The following TMTC4 variants were observed in gnomAD, a reference collection of about 807,000 sequenced individuals.
The protein encoded by TMTC4 is transmembrane O-mannosyltransferase targeting cadherins 4.
TMTC4 carries 65 observed loss-of-function variants against 86.0 expected under a neutral mutation model. The ratio of observed to expected loss-of-function variants is 0.76; its 90% CI spans 0.62 to 0.93. The LOEUF (loss-of-function observed/expected upper bound fraction) is 0.93, where lower values mean the gene tolerates loss of function less well. TMTC4 is among the 40% of genes least tolerant of loss of function. The pLI is 0.00. For missense variants in TMTC4, 866 were observed against 948.1 expected (o/e 0.91, Z 1.14); for synonymous variants, 379 against 382.5 (o/e 0.99, Z 0.11).
intron 6 of TMTC4, among the ~76,000 whole-genome samples, chr13:100,654,278 C>G (rs929897223): frequency 6.6e-6 from 1 of 152,180 alleles, no homozygotes; most frequent in Non-Finnish European, 1.5e-5. Context: ...AAAACATCTA[C>G]AAATTTAACA....
rs1230632997 is a variant in TMTC4, at chr13:100,605,108, C to T, written c.2169G>A (p.Leu723=). ...VLYHRWGHLD[L]AKKHYEISLQ... The stretch of plus-strand genomic sequence containing the variant: ...AGGAGATTTCATAGTGTTTCTTGGC[C>T]AAGTCTAGATGTCCCCAACGATGAT... Residue 723 remains leucine (L), a synonymous_variant, in exon 19 of 19, where the codon TTG becomes TTA. Transcript: ENST00000342624. The surrounding 1 kb of genome is among the most constrained non-coding windows in gnomAD (Gnocchi z 4.3). The T allele has an allele frequency of 8.1e-6, 13 of 1,613,194 alleles. 1 individual carries two copies. In the South Asian group the frequency reaches 1.4e-4, roughly 18 times the overall value.
At chr13:100,656,803 C>G (rs1885175844) in intron 5 of TMTC4, among the ~76,000 whole-genome samples, 1 of 152,136 alleles carries the variant, frequency 6.6e-6, no homozygotes, top group Admixed American at 6.5e-5. Context: ...CTCTGCTTCT[C>G]AAAGTGGTGG....
rs1431273685 is a variant in TMTC4, at chr13:100,664,352, G to A, written c.220-16C>T. The A allele has an allele frequency of 1.9e-6, 3 of 1,587,496 alleles. No homozygotes were observed. The highest frequency in any genetic ancestry group is 2.6e-6 in the Non-Finnish European group (3 of 1,166,000). Reference sequence around the variant, plus strand: ...CTTGGAGGTCCTGCAGGGTCACAAAGGGGATGTTCTGGACAAGGGTCTCCC... The same window carrying A: ...CTTGGAGGTCCTGCAGGGTCACAAAAGGGATGTTCTGGACAAGGGTCTCCC... On this transcript the variant is annotated splice_polypyrimidine_tract_variant and intron_variant, in intron 3 of 18. Coordinates refer to ENST00000342624, the MANE Select transcript of TMTC4 (RefSeq NM_032813.5).
chr13:100,674,181 C>CG (rs1566658209), intron 1 of TMTC4: 12 of 971,390 alleles, frequency 1.2e-5, no homozygotes, highest in Non-Finnish European at 1.3e-5. Flanking sequence ...GGCGCCCGGG[C>CG]CGGTGGCCCC....
rs112558614 is a variant in TMTC4, at chr13:100,657,095, C to T, written c.553-627G>A. ...CATAAAAACTGTGTTCTTTAACACA[C>T]GATACCCAAGAGCTCCAAAGACTTA... On this transcript the variant is annotated intron_variant, in intron 5 of 18. Coordinates refer to ENST00000342624, the MANE Select transcript of TMTC4 (RefSeq NM_032813.5). Among the ~76,000 whole-genome samples the T allele has an allele frequency of 3.9e-5, 6 of 152,184 alleles. No individual in the cohort carries two copies. The South Asian group carries it at 6.2e-4, about 16-fold the overall frequency.
chr13:100,625,458 GT>G, intron 15 of TMTC4, 76 bp downstream of exon 15: 1 of 1,569,410 alleles, frequency 6.4e-7, no homozygotes, highest in Non-Finnish European at 8.7e-7. Flanking sequence ...CTAGGTGGGT[GT>G]CACTATGTCA....
At chr13:100,615,532 A>G (rs2138732320) in intron 15 of TMTC4, among the ~76,000 whole-genome samples, 1 of 152,140 alleles carries the variant, frequency 6.6e-6, no homozygotes, top group Admixed American at 6.5e-5. Context: ...TGCTCACTGC[A>G]ACGTCTGCCT....
At position 100,674,691 on chromosome 13, in the gene TMTC4, C is replaced by T. The variant is rs547430014; in HGVS notation, c.-208+53G>A. ...GAACCCGCGCCCGCTCCGCGTCCAACTCCGCTCGCCCCGCGGCGCGCTCGG... is the reference window on the plus strand; with the variant it reads ...GAACCCGCGCCCGCTCCGCGTCCAATTCCGCTCGCCCCGCGGCGCGCTCGG... On this transcript the variant is annotated intron_variant, in intron 1 of 18. Coordinates refer to ENST00000342624, the MANE Select transcript of TMTC4 (RefSeq NM_032813.5). The T allele has an allele frequency of 1.2e-4, 118 of 983,300 alleles. 1 individual carries two copies. The South Asian group carries it at 5.0e-3, about 42-fold the overall frequency. 60.9% of individuals were successfully genotyped at this position (983,300 alleles called of 1,614,324 possible). A position where few individuals can be genotyped will look rare whatever the true frequency, so the allele number is the denominator to read the frequency against.
intron 6 of TMTC4, among the ~76,000 whole-genome samples, chr13:100,654,018 C>T (rs935651969): frequency 9.2e-5 from 14 of 152,224 alleles, no homozygotes; most frequent in Non-Finnish European, 4.4e-5. Context: ...TTTAAATGAA[C>T]GCTTTCCTTT....
Position 100,615,129 on chromosome 13 carries a change from TTTATTA to T in TMTC4, c.1837-705_1837-700del, listed in dbSNP as rs555839141. The stretch of plus-strand genomic sequence containing the variant: ...TTTCTTATTTTTTATAATTTAAACT[TTTATTA>T]TTATTATTATTTTTATTTTTGAGAT... On this transcript the variant is annotated intron_variant, in intron 15 of 18. Transcript: ENST00000342624. Among the ~76,000 whole-genome samples, 40 of 152,048 alleles carry T rather than the reference TTTATTA, an allele frequency of 2.6e-4. No homozygotes were observed. The Middle Eastern group carries it at 0.01, about 39-fold the overall frequency.
chr13:100,638,180 G>A (rs1216043965), intron 7 of TMTC4, 158 bp from the exon 8 acceptor site: 4 of 553,268 alleles, frequency 7.2e-6, no homozygotes, highest in Non-Finnish European at 1.3e-5. Flanking sequence ...CATAACAGCC[G>A]TACGTTTCTA....
At chr13:100,646,137 C>T (rs866528845) in intron 6 of TMTC4, among the ~76,000 whole-genome samples, 3 of 152,094 alleles carry the variant, frequency 2.0e-5, no homozygotes, top group Middle Eastern at 3.2e-3. Flanking sequence ...AACCAGTAAT[C>T]GGCCTTTAAC....
chr13:100,663,555 A>AT (rs1326897381), intron 4 of TMTC4, among the ~76,000 whole-genome samples: 1 of 152,190 alleles, frequency 6.6e-6, no homozygotes, highest in African/African-American at 2.4e-5. Flanking sequence ...AGGGACCTGG[A>AT]TTTAAGACAG....
rs140477961 is a variant in TMTC4, at chr13:100,673,954, T to C, written c.-208+790A>G. 6.4e-4 allele frequency: 560 copies of C among 869,300 alleles called. 9 individuals are homozygous for C. The East Asian group carries it at 0.021, about 32-fold the overall frequency. 53.8% of individuals were successfully genotyped at this position (869,300 alleles called of 1,614,324 possible). Reference sequence around the variant, plus strand: ...TTGCTCTCCCGGGGAAAGAGCGAAGTGTGGGATGACTCATAGTGGCTAGAT... The same window carrying C: ...TTGCTCTCCCGGGGAAAGAGCGAAGCGTGGGATGACTCATAGTGGCTAGAT... On this transcript the variant is annotated intron_variant, in intron 1 of 18. Transcript: ENST00000342624.
intron 15 of TMTC4, among the ~76,000 whole-genome samples, chr13:100,622,609 T>A (rs12866531): frequency 0.59 from 89,761 of 152,046 alleles, 31,856 homozygotes; most frequent in Non-Finnish European, 0.78. Context: ...ATGTAAGATG[T>A]GCCTTTCACC....
At chr13:100,664,562 G>A (rs1161212935) in intron 3 of TMTC4, among the ~76,000 whole-genome samples, 1 of 152,162 alleles carries the variant, frequency 6.6e-6, no homozygotes, top group Non-Finnish European at 1.5e-5. Context: ...TGAAGGGGCT[G>A]TTGCAGACCC....
intron 9 of TMTC4, 113 bp downstream of exon 9, chr13:100,637,425 G>A: frequency 2.9e-6 from 4 of 1,356,918 alleles, no homozygotes; most frequent in Non-Finnish European, 4.0e-6. Flanking sequence ...GGTGGCGCGT[G>A]TATTGGGGAT....
chr13:100,641,045 C>T (rs1417612116), intron 7 of TMTC4, among the ~76,000 whole-genome samples: 1 of 151,832 alleles, frequency 6.6e-6, no homozygotes, highest in East Asian at 1.9e-4. Flanking sequence ...AGAGAGCCCT[C>T]CCCCACCCCC....
chr13:100,637,856 T>C (rs778146785), intron 8 of TMTC4, 74 bp downstream of exon 8: 5 of 1,542,808 alleles, frequency 3.2e-6, no homozygotes, highest in Middle Eastern at 3.5e-4. Context: ...AAGGAATATT[T>C]GAGAATGGCA....
Sources: allele counts gnomAD v4.1 joint callset (sites outside exome capture counted in the v4.1 genomes callset), GRCh38; gene constraint gnomAD v4.1.1; non-coding constraint Gnocchi (gnomAD v3.1); transcripts MANE v1.5; gene names NCBI Gene and HGNC (gene_info 2026-07-23, HGNC 2026-07-21).